MYO3A: variants seen among roughly 807,000 people sequenced by gnomAD.
MYO3A encodes myosin-IIIa.
Under a neutral mutation model 192.7 loss-of-function variants are expected in MYO3A, and 180 were observed. That is an observed-to-expected ratio of 0.93 (90% CI 0.83 to 1.06). The LOEUF (loss-of-function observed/expected upper bound fraction) is 1.06, where lower values mean the gene tolerates loss of function less well. Among genes scored for constraint, MYO3A ranks in the 50% least tolerant of loss-of-function variants. The pLI is 0.00. For synonymous variants in MYO3A, 628 were observed against 645.3 expected (o/e 0.97, Z 0.41); for missense variants, 1,896 against 1,905.0 (o/e 1.00, Z 0.09).
At chr10:26,136,798 C>T (rs1203975480) in intron 20 of MYO3A, among the ~76,000 whole-genome samples, 2 of 152,252 alleles carry the variant, frequency 1.3e-5, no homozygotes, top group Admixed American at 1.3e-4. Context: ...TCAGCAGGAT[C>T]ACTTGAGGCC....
At chr10:26,005,839 A>G (rs1343891763) in intron 6 of MYO3A, among the ~76,000 whole-genome samples, 3 of 152,142 alleles carry the variant, frequency 2.0e-5, no homozygotes, top group African/African-American at 7.2e-5. Context: ...AAATGCTCAT[A>G]ACTATATAAA....
At chr10:26,200,267 G>A (rs1843622733) in intron 32 of MYO3A, among the ~76,000 whole-genome samples, 1 of 151,152 alleles carries the variant, frequency 6.6e-6, no homozygotes, top group East Asian at 1.9e-4. Context: ...GATAAATCCT[G>A]AAAAAAACGT....
chr10:26,056,219 A>T (rs1588873604), intron 10 of MYO3A, among the ~76,000 whole-genome samples: 1 of 152,230 alleles, frequency 6.6e-6, no homozygotes, highest in East Asian at 1.9e-4. Context: ...TAATGGGCTC[A>T]TTAGTAGACT....
chr10:26,105,174 G>A (rs772233688), intron 17 of MYO3A, among the ~76,000 whole-genome samples: 2 of 152,116 alleles, frequency 1.3e-5, no homozygotes, highest in Non-Finnish European at 2.9e-5. Context: ...CAAAACTGAA[G>A]TATGTCCTTA....
chr10:26,000,227 C>G (rs1486397291), intron 6 of MYO3A, among the ~76,000 whole-genome samples: 1 of 152,158 alleles, frequency 6.6e-6, no homozygotes, highest in Non-Finnish European at 1.5e-5. Flanking sequence ...TTCCTATTAC[C>G]TATTAGCCAG....
intron 32 of MYO3A, among the ~76,000 whole-genome samples, chr10:26,198,982 A>G (rs555959652): frequency 1.3e-5 from 2 of 152,328 alleles, no homozygotes; most frequent in African/African-American, 4.8e-5. Context: ...TCCGTGTAAT[A>G]AATTTCTTAT....
In MYO3A at chr10:26,066,917, CT is replaced by C. The variant is rs541413714; in HGVS notation, c.954-52del. On this transcript the variant is annotated intron_variant, in intron 10 of 34. Coordinates refer to ENST00000642920, the MANE Select transcript of MYO3A (RefSeq NM_017433.5). ...TTTTCAGTATCATATGTATCTAAAA[CT>C]TTTTTCCACTATGAGCAGTAATCAA... The C allele has an allele frequency of 1.7e-5, 21 of 1,260,048 alleles. No individual in the cohort carries two copies. The East Asian group carries it at 4.4e-4, about 26-fold the overall frequency. 78.1% of individuals were successfully genotyped at this position (1,260,048 alleles called of 1,614,324 possible).
chr10:26,115,808 T>G (rs1485701059), intron 17 of MYO3A, among the ~76,000 whole-genome samples: 1 of 152,206 alleles, frequency 6.6e-6, no homozygotes, highest in African/African-American at 2.4e-5. Context: ...GCACTTAAAC[T>G]TACTAGTGCA....
intron 6 of MYO3A, among the ~76,000 whole-genome samples, chr10:26,005,313 T>TA (rs111466507): frequency 0.056 from 8,523 of 151,446 alleles, 292 homozygotes; most frequent in African/African-American, 0.084. Context: ...CCTGAAATCT[T>TA]AAAAAAAAAT....
At chr10:26,158,865 C>T (rs56981377) in intron 26 of MYO3A, among the ~76,000 whole-genome samples, 13,788 of 152,084 alleles carry the variant, frequency 0.091, 689 homozygotes, top group African/African-American at 0.11. Context: ...AGAACAAAAC[C>T]GTGTTTTGTG....
chr10:25,934,559 C>A (rs1468888203), intron 1 of MYO3A, among the ~76,000 whole-genome samples: 2 of 145,790 alleles, frequency 1.4e-5, no homozygotes, highest in Non-Finnish European at 3.0e-5. Flanking sequence ...AGAAGTAGAG[C>A]GGGAAACCAA....
intron 34 of MYO3A, among the ~76,000 whole-genome samples, chr10:26,205,640 A>G (rs1430118889): frequency 8.5e-6 from 1 of 117,286 alleles, no homozygotes; most frequent in Non-Finnish European, 1.7e-5. Context: ...TTTTTGAGAC[A>G]GAGTCTGGCT....
At chr10:26,058,662 C>T (rs12264250) in intron 10 of MYO3A, among the ~76,000 whole-genome samples, 71,751 of 151,854 alleles carry the variant, frequency 0.47, 17,768 homozygotes, top group Middle Eastern at 0.59. Flanking sequence ...AGCTTTTTCT[C>T]CTTCAATATT....
At chr10:26,013,614 C>T (rs891821843) in intron 6 of MYO3A, among the ~76,000 whole-genome samples, 1 of 151,974 alleles carries the variant, frequency 6.6e-6, no homozygotes, top group Non-Finnish European at 1.5e-5. Context: ...AGTGTGAATA[C>T]AATAGATGTT....
At chr10:26,152,724 C>A (rs1840866625) in intron 23 of MYO3A, among the ~76,000 whole-genome samples, 1 of 152,198 alleles carries the variant, frequency 6.6e-6, no homozygotes, top group South Asian at 2.1e-4. Context: ...TCATCTGTTA[C>A]TGTATCTGTC....
At chr10:26,000,389 A>C (rs542998326) in intron 6 of MYO3A, among the ~76,000 whole-genome samples, 12 of 152,360 alleles carry the variant, frequency 7.9e-5, no homozygotes, top group Admixed American at 7.2e-4. Flanking sequence ...TGCCTGAGGC[A>C]TCACTCTGTT....
chr10:26,060,290 TAAATAAATAAATTTAA>T (rs1357577173), intron 10 of MYO3A, among the ~76,000 whole-genome samples: 20 of 114,048 alleles, frequency 1.8e-4, no homozygotes, highest in South Asian at 1.2e-3. Flanking sequence ...CATACATAAA[TAAATAAATAAATTTAA>T]AAAATACAAA....
intron 4 of MYO3A, among the ~76,000 whole-genome samples, chr10:25,959,972 A>G (rs1837823127): frequency 6.6e-6 from 1 of 151,958 alleles, no homozygotes; most frequent in African/African-American, 2.4e-5. Context: ...CACCTCTACT[A>G]TTCCCTAGCA....
chr10:26,063,521 A>G (rs1317969055), intron 10 of MYO3A, among the ~76,000 whole-genome samples: 1 of 152,198 alleles, frequency 6.6e-6, no homozygotes, highest in African/African-American at 2.4e-5. Flanking sequence ...TTGCATGTGA[A>G]TGTCCAATTG....
Sources: allele counts gnomAD v4.1 joint callset (sites outside exome capture counted in the v4.1 genomes callset), GRCh38; gene constraint gnomAD v4.1.1; transcripts MANE v1.5; gene names NCBI Gene and HGNC (gene_info 2026-07-23, HGNC 2026-07-21).